The following WWC2 variants were observed in gnomAD, a reference collection of about 807,000 sequenced individuals.
WWC2 encodes protein WWC2.
A neutral mutation model predicts 138.5 loss-of-function variants in WWC2; 101 were observed. That is an observed-to-expected ratio of 0.73 (90% confidence interval 0.62 to 0.86). The LOEUF is 0.86. Ranked by LOEUF, WWC2 falls within the 40% of genes least tolerant of loss-of-function variation. The pLI is 0.00. For synonymous variants in WWC2, 558 were observed against 538.4 expected, an observed-to-expected ratio of 1.04 and a Z score of -0.50; for missense variants, 1,420 against 1,419.4, an observed-to-expected ratio of 1.00 and a Z score of -0.01.
intron 1 of WWC2, among the ~76,000 whole-genome samples, chr4:183,165,381 A>G (rs976720451): frequency 6.6e-6 from 1 of 152,192 alleles, no homozygotes; most frequent in East Asian, 1.9e-4. Flanking sequence ...TGACATTAAA[A>G]TATTTGAGCA....
chr4:183,188,708 G>A (rs556489182), intron 1 of WWC2, among the ~76,000 whole-genome samples: 82 of 137,072 alleles, frequency 6.0e-4, no homozygotes, highest in African/African-American at 2.2e-3. Flanking sequence ...GCAATGGCCC[G>A]ATCTTCACTC....
In WWC2 at chr4:183,150,756, A is replaced by G. The variant is rs549817867; in HGVS notation, c.132-42843A>G. Among the ~76,000 whole-genome samples the G allele has an allele frequency of 2.0e-5, 3 of 151,670 alleles. No individual in the cohort carries two copies. In the East Asian group the frequency reaches 5.8e-4, roughly 29 times the overall value. The stretch of plus-strand genomic sequence containing the variant: ...CAAGTGTTCTCATTGTTCAATTCCC[A>G]CCTATGAGTGAGAACATGCAGTGTT... On this transcript the variant is annotated intron_variant, in intron 1 of 22. Transcript: ENST00000403733.
At chr4:183,262,734 G>A (rs1355210457) in intron 11 of WWC2, among the ~76,000 whole-genome samples, 3 of 152,206 alleles carry the variant, frequency 2.0e-5, no homozygotes, top group South Asian at 2.1e-4. Flanking sequence ...AGAAAGCCGC[G>A]TGGGGCCTTC....
chr4:183,178,357 A>G (rs902361453), intron 1 of WWC2, among the ~76,000 whole-genome samples: 6 of 150,572 alleles, frequency 4.0e-5, no homozygotes, highest in Non-Finnish European at 7.4e-5. Flanking sequence ...CCTGGGCTAC[A>G]CAGTGAGACC....
At chr4:183,186,089 G>A (rs1313165604) in intron 1 of WWC2, among the ~76,000 whole-genome samples, 3 of 151,402 alleles carry the variant, frequency 2.0e-5, no homozygotes, top group African/African-American at 2.4e-5. Context: ...CTGGGACTAC[G>A]AGCGCCCCCC....
At chr4:183,297,391 GTAGA>G (rs1553979523) in intron 21 of WWC2, among the ~76,000 whole-genome samples, 1 of 151,644 alleles carries the variant, frequency 6.6e-6, no homozygotes, top group Non-Finnish European at 1.5e-5. Context: ...TATGATTGTG[GTAGA>G]GCCTGAGATA....
chr4:183,210,284 G>A (rs964962430), intron 4 of WWC2, among the ~76,000 whole-genome samples: 10 of 152,180 alleles, frequency 6.6e-5, no homozygotes, highest in East Asian at 3.9e-4. Flanking sequence ...GGGGTGGGGC[G>A]GAGGTGAGGG....
At chr4:183,266,114 G>T (rs1276992448) in intron 14 of WWC2, among the ~76,000 whole-genome samples, 163 bp downstream of exon 14, 1 of 152,208 alleles carries the variant, frequency 6.6e-6, no homozygotes, top group Non-Finnish European at 1.5e-5. Flanking sequence ...AGGGAAATGT[G>T]AGGAAGACAT....
At chr4:183,227,306 C>T (rs1736102966) in intron 4 of WWC2, among the ~76,000 whole-genome samples, 1 of 152,078 alleles carries the variant, frequency 6.6e-6, no homozygotes. Flanking sequence ...ACAGTTGAAG[C>T]AGTGACAGAT....
At chr4:183,164,293 TATATATAC>T (rs1561443651) in intron 1 of WWC2, among the ~76,000 whole-genome samples, 4 of 398 alleles carry the variant, frequency 0.01, 1 homozygote, top group Admixed American at 0.036. Context: ...TATATATATA[TATATATAC>T]ATATATATAT....
intron 1 of WWC2, among the ~76,000 whole-genome samples, chr4:183,114,447 G>A (rs1192273680): frequency 6.6e-6 from 1 of 152,146 alleles, no homozygotes; most frequent in Non-Finnish European, 1.5e-5. Flanking sequence ...GAGAAATCTA[G>A]TAGACACCCA....
chr4:183,106,731 G>T, intron 1 of WWC2, among the ~76,000 whole-genome samples: 1 of 152,052 alleles, frequency 6.6e-6, no homozygotes, highest in Non-Finnish European at 1.5e-5. Context: ...TGCATTCAGG[G>T]TTCATTTTGT....
chr4:183,280,069 A>G (rs1738012812), intron 16 of WWC2, among the ~76,000 whole-genome samples: 1 of 151,998 alleles, frequency 6.6e-6, no homozygotes, highest in African/African-American at 2.4e-5. Context: ...AGAATAACTG[A>G]TATCTTCCTC....
At chr4:183,164,540 A>G (rs1438456311) in intron 1 of WWC2, among the ~76,000 whole-genome samples, 2 of 151,728 alleles carry the variant, frequency 1.3e-5, no homozygotes, top group Non-Finnish European at 2.9e-5. Flanking sequence ...TTTTTAAAAA[A>G]GCTAAAAATA....
chr4:183,248,343 T>C (rs1736861378), intron 6 of WWC2, among the ~76,000 whole-genome samples: 1 of 152,262 alleles, frequency 6.6e-6, no homozygotes, highest in African/African-American at 2.4e-5. Flanking sequence ...GATTATGTTA[T>C]AGATATTCTG....
chr4:183,253,094 T>A (rs1387291255), intron 8 of WWC2, among the ~76,000 whole-genome samples: 2 of 152,180 alleles, frequency 1.3e-5, no homozygotes, highest in Non-Finnish European at 2.9e-5. Context: ...TTGCCCAGGC[T>A]GGTCTCGAAC....
At chr4:183,106,466 C>G (rs1007509180) in intron 1 of WWC2, among the ~76,000 whole-genome samples, 1 of 152,124 alleles carries the variant, frequency 6.6e-6, no homozygotes, top group Non-Finnish European at 1.5e-5. Context: ...GAAGACTACA[C>G]CTTAGTAGTT....
At chr4:183,104,173 C>T (rs552409582) in intron 1 of WWC2, among the ~76,000 whole-genome samples, 2 of 152,260 alleles carry the variant, frequency 1.3e-5, no homozygotes, top group South Asian at 4.1e-4. Context: ...TCATGTTGGC[C>T]AGGCTGGCAA....
chr4:183,133,150 TTC>T, intron 1 of WWC2, among the ~76,000 whole-genome samples: 1 of 137,794 alleles, frequency 7.3e-6, no homozygotes, highest in Non-Finnish European at 1.6e-5. Context: ...TTTCTTTTTT[TTC>T]TTTTTTTTTT....
Sources: allele counts gnomAD v4.1 joint callset (sites outside exome capture counted in the v4.1 genomes callset), GRCh38; gene constraint gnomAD v4.1.1; transcripts MANE v1.5; gene names NCBI Gene and HGNC (gene_info 2026-07-23, HGNC 2026-07-21).